Variants in PAK5 observed in about 807,000 individuals in gnomAD.
PAK5 encodes serine/threonine-protein kinase PAK 5.
In PAK5, 16 loss-of-function variants were observed where a neutral mutation model predicts 65.9. That is an observed-to-expected ratio of 0.24 (90% confidence interval 0.16 to 0.37). The LOEUF (loss-of-function observed/expected upper bound fraction) is 0.37, where lower values mean the gene tolerates loss of function less well. Ranked by LOEUF, PAK5 falls within the 10% of genes least tolerant of loss-of-function variation. PAK5 has a pLI of 1.00. For synonymous variants in PAK5, 371 were observed against 354.9 expected (o/e 1.05, Z -0.51); for missense variants, 785 against 903.9 (o/e 0.87, Z 1.69).
At chr20:9,688,995 A>G (rs533131247) in intron 2 of PAK5, among the ~76,000 whole-genome samples, 15 of 152,182 alleles carry the variant, frequency 9.9e-5, no homozygotes, top group Non-Finnish European at 1.5e-4. Flanking sequence ...ATGATTCTAA[A>G]TGAGCATCCT....
chr20:9,716,540 A>G (rs974391897), intron 1 of PAK5, among the ~76,000 whole-genome samples: 5 of 152,224 alleles, frequency 3.3e-5, no homozygotes, highest in Admixed American at 2.6e-4. Context: ...GCATCATTAT[A>G]TTACATTTTC....
chr20:9,539,355 G>T lies in PAK5; in HGVS notation c.*107C>A. On this transcript the variant is annotated 3_prime_UTR_variant, in exon 10 of 10. Transcript: ENST00000353224. ...CGGTCATCACGCTGTCCCACCAATT[G>T]GCTGGTCTAGAATGCACAGGCCTTT... 2.9e-6 allele frequency: 3 copies of T among 1,052,122 alleles called. No homozygotes were observed. Among genetic ancestry groups the T allele is most frequent in the Non-Finnish European group, 4.3e-6 (3 of 700,964 alleles). 65.2% of individuals were successfully genotyped at this position (1,052,122 alleles called of 1,614,324 possible).
At chr20:9,806,204 G>C (rs1419280707) in intron 1 of PAK5, among the ~76,000 whole-genome samples, 1 of 151,984 alleles carries the variant, frequency 6.6e-6, no homozygotes, top group Non-Finnish European at 1.5e-5. Flanking sequence ...GGCCAGGCTG[G>C]TCTCGAACTC....
chr20:9,661,986 C>G (rs1333816946), intron 2 of PAK5, among the ~76,000 whole-genome samples: 1 of 152,096 alleles, frequency 6.6e-6, no homozygotes, highest in East Asian at 1.9e-4. Flanking sequence ...ATAGCTGGTC[C>G]TGGAAGACAG....
chr20:9,635,646 C>T (rs2046974633), intron 3 of PAK5, among the ~76,000 whole-genome samples: 1 of 152,072 alleles, frequency 6.6e-6, no homozygotes, highest in African/African-American at 2.4e-5. Context: ...GATGTTCATC[C>T]AGATGAGAAC....
intron 1 of PAK5, among the ~76,000 whole-genome samples, chr20:9,807,770 A>ATAATAATAATAG (rs2049251049): frequency 6.7e-6 from 1 of 148,644 alleles, no homozygotes; most frequent in Non-Finnish European, 1.5e-5. Flanking sequence ...ATAAATAATA[A>ATAATAATAATAG]TAATAATAAT....
rs2045968248 is a variant in PAK5, at chr20:9,580,860, A to G, written c.275T>C (p.Ile92Thr). Reference sequence around the variant, plus strand: ...TAGGGAGTTGGAGCGAGTCACCGAGATGTTGTCAAAATCCTCTAGCAGGCC... The same window carrying G: ...TAGGGAGTTGGAGCGAGTCACCGAGGTGTTGTCAAAATCCTCTAGCAGGCC... ...INGLLEDFDN[I>T]SVTRSNSLRK... Residue 92 changes from isoleucine (I) to threonine (T), a missense_variant, in exon 4 of 10, where the codon ATC becomes ACC. Physicochemically the swap from Ile to Thr is moderately conservative, Grantham distance 89. This residue lies in a region of PAK5 where 422 missense variants were observed against 413.3 expected (regional missense o/e 1.02). Transcript: ENST00000353224. The G allele has an allele frequency of 6.2e-7, 1 of 1,613,340 alleles. No homozygotes were observed. The highest frequency in any genetic ancestry group is 8.5e-7 in the Non-Finnish European group (1 of 1,179,768).
At chr20:9,816,796 G>A in intron 1 of PAK5, among the ~76,000 whole-genome samples, 1 of 152,142 alleles carries the variant, frequency 6.6e-6, no homozygotes, top group Admixed American at 6.6e-5. Context: ...CCTTTCTCCA[G>A]AGAACCCTGA....
chr20:9,565,129 G>A (rs949124923), intron 5 of PAK5, among the ~76,000 whole-genome samples: 2 of 151,470 alleles, frequency 1.3e-5, no homozygotes, highest in Non-Finnish European at 2.9e-5. Context: ...AAGTAATACA[G>A]GTCAATATAT....
At chr20:9,699,406 A>G (rs2047909604) in intron 2 of PAK5, among the ~76,000 whole-genome samples, 2 of 152,052 alleles carry the variant, frequency 1.3e-5, no homozygotes, top group African/African-American at 4.8e-5. Flanking sequence ...CCCAGGTATG[A>G]GAAACAATCT....
chr20:9,612,786 T>A (rs148065835), intron 3 of PAK5, among the ~76,000 whole-genome samples: 1 of 152,204 alleles, frequency 6.6e-6, no homozygotes, highest in East Asian at 1.9e-4. Flanking sequence ...TTTGCTGAAA[T>A]GTTACTTTAC....
intron 1 of PAK5, among the ~76,000 whole-genome samples, chr20:9,740,551 G>A (rs531129091): frequency 3.3e-5 from 5 of 152,264 alleles, no homozygotes; most frequent in Non-Finnish European, 4.4e-5. Flanking sequence ...ACTGAGCAAC[G>A]TATTTGTCCT....
chr20:9,813,205 G>A (rs2123758618), intron 1 of PAK5, among the ~76,000 whole-genome samples: 1 of 152,156 alleles, frequency 6.6e-6, no homozygotes, highest in South Asian at 2.1e-4. Flanking sequence ...AGAAAACAGA[G>A]CAATAGGGAC....
intron 1 of PAK5, among the ~76,000 whole-genome samples, chr20:9,753,753 C>T (rs148563160): frequency 6.6e-6 from 1 of 152,156 alleles, no homozygotes; most frequent in Non-Finnish European, 1.5e-5. Flanking sequence ...CAAATAGGTG[C>T]TCATCTGTAG....
chr20:9,725,941 GAAAAA>G (rs1228298343), intron 1 of PAK5, among the ~76,000 whole-genome samples: 1 of 151,674 alleles, frequency 6.6e-6, no homozygotes, highest in Non-Finnish European at 1.5e-5. Flanking sequence ...TCAGTAATAA[GAAAAA>G]AAATTAATTT....
intron 3 of PAK5, among the ~76,000 whole-genome samples, chr20:9,601,926 G>T (rs60268169): frequency 2.6e-5 from 4 of 152,090 alleles, no homozygotes; most frequent in Non-Finnish European, 5.9e-5. Context: ...CCATGAGCAA[G>T]AAAAAGAAAT....
At chr20:9,696,556 A>G (rs1306922085) in intron 2 of PAK5, among the ~76,000 whole-genome samples, 1 of 152,138 alleles carries the variant, frequency 6.6e-6, no homozygotes, top group Non-Finnish European at 1.5e-5. Context: ...CAAATGGTCT[A>G]CTACTCTCTG....
chr20:9,580,217 G>C lies in PAK5; in HGVS notation c.918C>G (p.Thr306=). The C allele has an allele frequency of 6.2e-7, 1 of 1,614,172 alleles. No homozygotes were observed. Among genetic ancestry groups the C allele is most frequent in the Non-Finnish European group, 8.5e-7 (1 of 1,180,020 alleles). ...MMPFGASAFK[T]HPQGHSYNSY... ...AGTTGTAGGAGTGTCCTTGGGGATG[G>C]GTTTTAAATGCACTTGCTCCAAATG... The change falls in exon 4 of 10, where the codon ACC becomes ACG. Residue 306 remains threonine (T), a synonymous_variant. Coordinates refer to ENST00000353224, the MANE Select transcript of PAK5 (RefSeq NM_177990.4).
chr20:9,739,558 G>C (rs2048428371), intron 1 of PAK5, among the ~76,000 whole-genome samples: 1 of 152,026 alleles, frequency 6.6e-6, no homozygotes, highest in Admixed American at 6.6e-5. Context: ...TTTAATTTAT[G>C]CTATACTTTC....
Sources: allele counts gnomAD v4.1 joint callset (sites outside exome capture counted in the v4.1 genomes callset), GRCh38; gene constraint gnomAD v4.1.1; regional missense constraint gnomAD v4.1.1; transcripts MANE v1.5; gene names NCBI Gene and HGNC (gene_info 2026-07-23, HGNC 2026-07-21).